Variants in SPTBN4 observed in about 807,000 individuals in gnomAD.
SPTBN4 encodes spectrin beta, non-erythrocytic 4.
Under a neutral mutation model 277.8 loss-of-function variants are expected in SPTBN4, and 96 were observed. The ratio of observed to expected loss-of-function variants is 0.35; its 90% CI spans 0.29 to 0.41. The LOEUF (loss-of-function observed/expected upper bound fraction) is 0.41, where lower values mean the gene tolerates loss of function less well. Ranked by LOEUF, SPTBN4 falls within the 10% of genes least tolerant of loss-of-function variation. SPTBN4 has a pLI of 1.00. For missense variants in SPTBN4, 3,006 were observed against 3,595.7 expected (o/e 0.84, Z 4.19); for synonymous variants, 1,481 against 1,580.3 (o/e 0.94, Z 1.49).
At chr19:40,534,008 C>G in intron 19 of SPTBN4, 72 bp from the exon 20 acceptor site, 1 of 1,498,318 alleles carries the variant, frequency 6.7e-7, no homozygotes, top group Non-Finnish European at 8.9e-7. Context: ...CTGTCACTCT[C>G]CCACACTTCT....
Position 40,567,298 on chromosome 19 carries a change from AAAATAAATAAAT to A in SPTBN4, c.6337-329_6337-318del, listed in dbSNP as rs57552574. ...TGGGCGACAGAGCAAGACTGTCTCA[AAAATAAATAAAT>A]AAATAAATAAATAAATAAATAAATA... On this transcript the variant is annotated intron_variant, in intron 30 of 35. Transcript: ENST00000598249. The A allele has an allele frequency of 2.8e-3, 399 of 141,856 alleles. 2 individuals carry two copies. The highest frequency in any genetic ancestry group is 0.01 in the South Asian group (46 of 4,572). The allele number at this position is 141,856 out of a possible 1,614,324, so 8.8% of individuals were successfully genotyped here. A position where few individuals can be genotyped will look rare whatever the true frequency, so the allele number is the denominator to read the frequency against.
At position 40,490,699 on chromosome 19, in the gene SPTBN4, T is replaced by C. The variant is rs2080127072; in HGVS notation, c.495+451T>C. Among the ~76,000 whole-genome samples, 1 of 152,124 alleles carries C rather than the reference T, an allele frequency of 6.6e-6. No homozygotes were observed. The highest frequency in any genetic ancestry group is 1.5e-5 in the Non-Finnish European group (1 of 68,022). ...TGTGGTGAGGAAGACAGATAATAAA[T>C]ACATAAATATGTAAAGAAGACATGT... On this transcript the variant is annotated intron_variant, in intron 4 of 35. Transcript: ENST00000598249. The surrounding 1 kb of genome is among the most constrained non-coding windows in gnomAD (Gnocchi z 4.3).
chr19:40,530,275 A>AC (rs1327436764), intron 18 of SPTBN4, among the ~76,000 whole-genome samples: 1 of 151,596 alleles, frequency 6.6e-6, no homozygotes, highest in Non-Finnish European at 1.5e-5. Flanking sequence ...GTCCAGGAGC[A>AC]CCCCCCATCC....
At chr19:40,501,840 T>TCTCCATCC (rs1243089376) in intron 7 of SPTBN4, 81 bp from the exon 8 acceptor site, 1 of 1,182,916 alleles carries the variant, frequency 8.5e-7, no homozygotes, top group Non-Finnish European at 1.3e-6. Context: ...GAGAGTGGCT[T>TCTCCATCC]CTCCATCCCT....
At chr19:40,484,995 C>A (rs183054171) in intron 2 of SPTBN4, among the ~76,000 whole-genome samples, 1 of 152,058 alleles carries the variant, frequency 6.6e-6, no homozygotes, top group Admixed American at 6.6e-5. Context: ...TGGCACCCAC[C>A]ACCATGCCCG....
chr19:40,477,801 T>C (rs992864208), intron 2 of SPTBN4, among the ~76,000 whole-genome samples: 1 of 151,688 alleles, frequency 6.6e-6, no homozygotes, highest in African/African-American at 2.4e-5. Flanking sequence ...AGGATACAGG[T>C]GAGGAGTAAA....
In SPTBN4 at chr19:40,523,654, C is replaced by T. The variant is rs1435147913; in HGVS notation, c.3857+15C>T. Reference sequence around the variant, plus strand: ...CTGCTGGAGAAGTAGGTCCCCTAGACCCATCCACCCCAGGGAGGGGGCAGA... The same window carrying T: ...CTGCTGGAGAAGTAGGTCCCCTAGATCCATCCACCCCAGGGAGGGGGCAGA... On this transcript the variant is annotated intron_variant, in intron 17 of 35. Coordinates refer to ENST00000598249, the MANE Select transcript of SPTBN4 (RefSeq NM_020971.3). 6 of 1,593,010 alleles carry T rather than the reference C, an allele frequency of 3.8e-6. No individual in the cohort carries two copies. The highest frequency in any genetic ancestry group is 5.1e-6 in the Non-Finnish European group (6 of 1,166,902).
intron 17 of SPTBN4, among the ~76,000 whole-genome samples, chr19:40,526,423 C>T (rs973250713): frequency 7.9e-5 from 12 of 152,102 alleles, no homozygotes; most frequent in Middle Eastern, 3.4e-3. Flanking sequence ...CCACCTGCCT[C>T]GGCTCCCCAA....
rs567104456 is a variant in SPTBN4, at chr19:40,555,110, A to G, written c.5084+464A>G. ...AGGGATGGAATCTGTAAGGAGGTAC[A>G]GAGAGAGACCTCTGTCCAAGTGGGC... On this transcript the variant is annotated intron_variant, in intron 24 of 35. Transcript: ENST00000598249. The G allele has an allele frequency of 5.6e-5, 9 of 162,074 alleles. No homozygotes were observed. In the East Asian group the frequency reaches 1.7e-3, roughly 31 times the overall value. 10.0% of individuals were successfully genotyped at this position (162,074 alleles called of 1,614,324 possible).
intron 13 of SPTBN4, among the ~76,000 whole-genome samples, chr19:40,509,296 A>G (rs2080365096): frequency 6.6e-6 from 1 of 151,854 alleles, no homozygotes; most frequent in South Asian, 2.1e-4. Context: ...TCCAGGCCAG[A>G]TTGCAATGGC....
Position 40,513,482 on chromosome 19 carries a change from G to A in SPTBN4, c.2693G>A (p.Gly898Asp). 1.2e-6 allele frequency: 2 copies of A among 1,601,062 alleles called. No individual in the cohort carries two copies. The highest frequency in any genetic ancestry group is 1.7e-6 in the Non-Finnish European group (2 of 1,178,638). The change falls in exon 14 of 36, where the codon GGC becomes GAC. Residue 898 changes from glycine to aspartate, a missense_variant. By Grantham distance (94) the Gly-to-Asp change is moderately conservative. Around this residue, in one of 5 missense-constraint regions of SPTBN4, gnomAD observed 1,759 missense variants for 2,061.5 expected, o/e 0.85. Coordinates refer to ENST00000598249, the MANE Select transcript of SPTBN4 (RefSeq NM_020971.3). Reference sequence around the variant, plus strand: ...GTGCACGCGTGTGAGCTGTGGATCGGCGAGAAGGAGCAATGGCTGCTCTCC... The same window carrying A: ...GTGCACGCGTGTGAGCTGTGGATCGACGAGAAGGAGCAATGGCTGCTCTCC... The part of the protein sequence containing the change: ...GEVHACELWI[G>D]EKEQWLLSMR...
chr19:40,472,647 A>G lies in SPTBN4; in HGVS notation c.26A>G (p.Asp9Gly), dbSNP rs774383165. Residue 9 changes from aspartate to glycine, a missense_variant, in exon 2 of 36, where the codon GAC becomes GGC. Coordinates refer to ENST00000598249, the MANE Select transcript of SPTBN4 (RefSeq NM_020971.3). Reference protein sequence around the residue: MAQVPGEVDNMEGLPAPNN... With the variant: MAQVPGEVGNMEGLPAPNN... ...ATGGCGCAGGTACCAGGGGAAGTGGACAACATGGAGGGCCTGCCTGCTCCT... is the reference window on the plus strand; with the variant it reads ...ATGGCGCAGGTACCAGGGGAAGTGGGCAACATGGAGGGCCTGCCTGCTCCT... 2 of 1,613,730 alleles carry G rather than the reference A, an allele frequency of 1.2e-6. No individual in the cohort carries two copies. Among genetic ancestry groups the G allele is most frequent in the South Asian group, 2.2e-5 (2 of 91,010 alleles).
intron 5 of SPTBN4, among the ~76,000 whole-genome samples, chr19:40,493,529 G>A (rs180863202): frequency 1.3e-5 from 2 of 152,164 alleles, no homozygotes; most frequent in African/African-American, 4.8e-5. Context: ...ACAAAAAGTT[G>A]TGGGGTTTTT....
chr19:40,565,906 GCC>G (rs2081086997), intron 29 of SPTBN4, among the ~76,000 whole-genome samples, 161 bp downstream of exon 29: 1 of 152,092 alleles, frequency 6.6e-6, no homozygotes, highest in Non-Finnish European at 1.5e-5. Context: ...GGGCTGCCTT[GCC>G]ATTGAATACC....
chr19:40,559,530 G>T (rs2081020315), intron 26 of SPTBN4, among the ~76,000 whole-genome samples: 1 of 152,120 alleles, frequency 6.6e-6, no homozygotes, highest in African/African-American at 2.4e-5. Flanking sequence ...TGCACCTGTA[G>T]TTCAGCTATT....
intron 27 of SPTBN4, among the ~76,000 whole-genome samples, chr19:40,564,165 A>G (rs1160190074): frequency 1.3e-5 from 2 of 151,632 alleles, no homozygotes; most frequent in East Asian, 3.9e-4. Context: ...GACCAGCCTG[A>G]CAAACATGTT....
chr19:40,545,415 A>G (rs62107864), intron 20 of SPTBN4, among the ~76,000 whole-genome samples: 21,980 of 151,640 alleles, frequency 0.14, 1,646 homozygotes, highest in Non-Finnish European at 0.16. Flanking sequence ...TTCTTTAGTT[A>G]TATTACTAGA....
chr19:40,506,135 A>G, intron 12 of SPTBN4, 101 bp from the exon 13 acceptor site: 1 of 1,439,340 alleles, frequency 6.9e-7, no homozygotes. Flanking sequence ...CAGAGTCGGG[A>G]GTGATGGTGC....
At chr19:40,537,535 T>C (rs1489150891) in intron 20 of SPTBN4, among the ~76,000 whole-genome samples, 3 of 152,228 alleles carry the variant, frequency 2.0e-5, no homozygotes, top group Non-Finnish European at 4.4e-5. Flanking sequence ...CAGGGGTTCC[T>C]TGGCCACAGT....
Sources: allele counts gnomAD v4.1 joint callset (sites outside exome capture counted in the v4.1 genomes callset), GRCh38; gene constraint gnomAD v4.1.1; regional missense constraint gnomAD v4.1.1; non-coding constraint Gnocchi (gnomAD v3.1); transcripts MANE v1.5; gene names NCBI Gene and HGNC (gene_info 2026-07-23, HGNC 2026-07-21).